The following WASF1 variants were observed in gnomAD, a reference collection of about 807,000 sequenced individuals.
WASF1 encodes actin-binding protein WASF1.
WASF1 carries 7 observed loss-of-function variants against 50.5 expected under a neutral mutation model. That is an observed-to-expected ratio of 0.14 (90% CI 0.08 to 0.26). WASF1 has a LOEUF of 0.26. WASF1 is among the 10% of genes least tolerant of loss of function. The pLI is 1.00. For missense variants in WASF1, 470 were observed against 694.7 expected (o/e 0.68, Z 3.64); for synonymous variants, 205 against 244.0 (o/e 0.84, Z 1.49).
chr6:110,112,941 T>C (rs1482078718), intron 5 of WASF1, among the ~76,000 whole-genome samples: 2 of 148,838 alleles, frequency 1.3e-5, no homozygotes, highest in African/African-American at 4.9e-5. Context: ...TCTTGTAGAA[T>C]CAAACCTAAA....
Position 110,113,379 on chromosome 6 carries a change from C to T in WASF1, c.215G>A (p.Arg72His), listed in dbSNP as rs1037010853. 5.6e-6 allele frequency: 9 copies of T among 1,605,934 alleles called. No individual in the cohort carries two copies. The highest frequency in any genetic ancestry group is 2.2e-5 in the South Asian group (2 of 89,580). Reference protein sequence around the residue: ...FSFRVNSLQERVDRLSVSVTQ... With the variant: ...FSFRVNSLQEHVDRLSVSVTQ... ...AACACTAACAGATAAACGGTCCACACGTTCTTGCAATGAGTTGACTCTGAA... is the reference window on the plus strand; with the variant it reads ...AACACTAACAGATAAACGGTCCACATGTTCTTGCAATGAGTTGACTCTGAA... Residue 72 changes from arginine (R) to histidine (H), a missense_variant, in exon 5 of 11, where the codon CGT (arginine) becomes CAT (histidine). Coordinates refer to ENST00000392589, the MANE Select transcript of WASF1 (RefSeq NM_003931.3).
At chr6:110,154,293 T>C (rs1775959371) in intron 3 of WASF1, among the ~76,000 whole-genome samples, 1 of 152,112 alleles carries the variant, frequency 6.6e-6, no homozygotes, top group Non-Finnish European at 1.5e-5. Context: ...TAAAGAACAT[T>C]CTGAAGTACC....
chr6:110,121,915 T>C (rs1253607565), intron 4 of WASF1, among the ~76,000 whole-genome samples: 1 of 151,274 alleles, frequency 6.6e-6, no homozygotes, highest in Non-Finnish European at 1.5e-5. Context: ...ACCATCATTC[T>C]AAAAAAACTA....
Position 110,173,453 on chromosome 6 carries a change from A to T in WASF1, c.-127+5145T>A, listed in dbSNP as rs141338702. On this transcript the variant is annotated intron_variant, in intron 2 of 10. Transcript: ENST00000392589. ...TTGCAGCATAAGGGAGTAGGAAAAA[A>T]ATGGGACTTTGAAATCACACATATC... Among the ~76,000 whole-genome samples the T allele has an allele frequency of 1.6e-3, 243 of 152,264 alleles. 2 individuals are homozygous for T. The highest frequency in any genetic ancestry group is 5.7e-3 in the African/African-American group (237 of 41,564).
intron 3 of WASF1, among the ~76,000 whole-genome samples, chr6:110,138,308 G>C (rs1000535275): frequency 3.3e-5 from 5 of 152,238 alleles, no homozygotes; most frequent in African/African-American, 1.2e-4. Flanking sequence ...GCCCCAAAGA[G>C]AGTGTCACAG....
At chr6:110,105,313 G>T in intron 8 of WASF1, 94 bp downstream of exon 8, 1 of 1,267,486 alleles carries the variant, frequency 7.9e-7, no homozygotes, top group Non-Finnish European at 1.1e-6. Flanking sequence ...GGGTCTGCCT[G>T]TTCAACAGTT....
intron 4 of WASF1, among the ~76,000 whole-genome samples, chr6:110,121,763 A>C (rs1774140840): frequency 6.6e-6 from 1 of 152,266 alleles, no homozygotes; most frequent in Admixed American, 6.5e-5. Flanking sequence ...TATTTACAAT[A>C]GTAAAGACTT....
At chr6:110,132,021 A>C (rs922438495) in intron 3 of WASF1, among the ~76,000 whole-genome samples, 3 of 152,150 alleles carry the variant, frequency 2.0e-5, no homozygotes, top group Non-Finnish European at 4.4e-5. Flanking sequence ...ATTTCTTTCT[A>C]TCCACGAACA....
intron 3 of WASF1, among the ~76,000 whole-genome samples, chr6:110,137,917 GT>G (rs1300199203): frequency 6.6e-6 from 1 of 152,188 alleles, no homozygotes; most frequent in African/African-American, 2.4e-5. Flanking sequence ...GTATCACAGG[GT>G]CCTTAGGGTG....
At chr6:110,142,961 A>AAC (rs1185977833) in intron 3 of WASF1, among the ~76,000 whole-genome samples, 1 of 150,390 alleles carries the variant, frequency 6.6e-6, no homozygotes, top group Non-Finnish European at 1.5e-5. Context: ...GTAAAAAAAA[A>AAC]AAAAAAAAAA....
chr6:110,115,048 T>C (rs1773736474), intron 4 of WASF1, among the ~76,000 whole-genome samples: 1 of 151,180 alleles, frequency 6.6e-6, no homozygotes, highest in East Asian at 2.0e-4. Flanking sequence ...GTCGTGATCA[T>C]GCCACTGTAC....
intron 3 of WASF1, among the ~76,000 whole-genome samples, chr6:110,146,880 T>C (rs112431932): frequency 6.6e-6 from 1 of 152,000 alleles, no homozygotes; most frequent in African/African-American, 2.4e-5. Flanking sequence ...CATGAATCTC[T>C]AAAGGAGATT....
At chr6:110,162,017 C>T (rs1355771250) in intron 2 of WASF1, among the ~76,000 whole-genome samples, 2 of 151,388 alleles carry the variant, frequency 1.3e-5, no homozygotes, top group Admixed American at 6.6e-5. Context: ...TGAAAGCGTA[C>T]GAGTCGTAAA....
At chr6:110,145,848 G>A (rs1775534152) in intron 3 of WASF1, among the ~76,000 whole-genome samples, 1 of 152,000 alleles carries the variant, frequency 6.6e-6, no homozygotes, top group African/African-American at 2.4e-5. Context: ...GATGAAGCTG[G>A]AAACCATCAT....
At chr6:110,113,485 A>G (rs1773659741) in intron 4 of WASF1, 25 bp from the exon 5 acceptor site, 6 of 1,562,068 alleles carry the variant, frequency 3.8e-6, no homozygotes, top group Admixed American at 3.9e-5. Context: ...CACATATATC[A>G]TAAAATTTAA....
At chr6:110,152,518 T>C (rs767630235) in intron 3 of WASF1, among the ~76,000 whole-genome samples, 15 of 152,090 alleles carry the variant, frequency 9.9e-5, no homozygotes, top group Non-Finnish European at 1.6e-4. Flanking sequence ...TCAGGAAAAA[T>C]AGAATCTGCC....
At chr6:110,137,456 A>G (rs1254223009) in intron 3 of WASF1, among the ~76,000 whole-genome samples, 1 of 152,218 alleles carries the variant, frequency 6.6e-6, no homozygotes, top group Non-Finnish European at 1.5e-5. Context: ...GTAATTCAAA[A>G]TCTAAGCTGT....
intron 4 of WASF1, among the ~76,000 whole-genome samples, chr6:110,116,761 C>T (rs1773831698): frequency 6.6e-6 from 1 of 152,156 alleles, no homozygotes; most frequent in Non-Finnish European, 1.5e-5. Context: ...GACTGGGGAA[C>T]ACCTCCCAGT....
At chr6:110,118,642 G>C (rs539630705) in intron 4 of WASF1, among the ~76,000 whole-genome samples, 1 of 152,162 alleles carries the variant, frequency 6.6e-6, no homozygotes, top group African/African-American at 2.4e-5. Flanking sequence ...CAAAGAGACA[G>C]AAGGTTAACA....
Sources: gnomAD v4.1 joint callset for allele counts (sites outside exome capture counted in the v4.1 genomes callset) on GRCh38, gnomAD v4.1.1 for gene constraint, MANE v1.5 for transcripts, NCBI Gene and HGNC (gene_info 2026-07-23, HGNC 2026-07-21) for gene names.